Variants in HEPH observed in about 807,000 individuals in gnomAD.
HEPH encodes the protein hephaestin.
HEPH carries 69 observed loss-of-function variants against 80.8 expected under a neutral mutation model. The observed-to-expected ratio is 0.85, with a 90% confidence interval of 0.70 to 1.04. HEPH has a LOEUF of 1.04. Ranked by LOEUF, HEPH falls within the 50% of genes least tolerant of loss-of-function variation. The probability of loss-of-function intolerance (pLI) is 0.00; values close to 1 mark genes in which losing one functional copy is unlikely to be tolerated. For synonymous variants in HEPH, 431 were observed against 322.8 expected, an observed-to-expected ratio of 1.34 and a Z score of -3.60; for missense variants, 1,115 against 891.3, an observed-to-expected ratio of 1.25 and a Z score of -3.20.
rs766747766 is a variant in HEPH at position 66,168,419 on chromosome X, A to G, written c.-13-2139A>G. Among the ~76,000 whole-genome samples, 5 of 111,995 alleles carry G rather than the reference A, an allele frequency of 4.5e-5. No homozygotes were observed. In the East Asian group the frequency reaches 1.4e-3, roughly 31 times the overall value. The stretch of plus-strand genomic sequence containing the variant: ...TTATTTCTCCAGGGCTGATATTATT[A>G]TACCCATTTTACAGATGAGAAAACT... On this transcript the variant is annotated intron_variant, in intron 1 of 20. Transcript: ENST00000343002.
chrX:66,189,878 A>T lies in HEPH; in HGVS notation c.1003A>T (p.Met335Leu). The T allele has an allele frequency of 8.3e-7, 1 of 1,201,329 alleles. No homozygotes were observed. Among genetic ancestry groups the T allele is most frequent in the Non-Finnish European group, 1.1e-6 (1 of 889,780 alleles). ...IFPATFVTAEMVPWEPGTWLI... is the reference protein window; with the variant it reads ...IFPATFVTAELVPWEPGTWLI... Reference sequence around the variant, plus strand: ...TCCAGCCACCTTTGTGACTGCTGAGATGGTGCCCTGGGAACCTGGTACCTG... The same window carrying T: ...TCCAGCCACCTTTGTGACTGCTGAGTTGGTGCCCTGGGAACCTGGTACCTG... Residue 335 changes from methionine (M) to leucine (L), a missense_variant, in exon 6 of 21, where the codon ATG (methionine) becomes TTG (leucine). Met to Leu is a conservative substitution (Grantham distance 15). Around this residue, in one of 3 missense-constraint regions of HEPH, gnomAD observed 391 missense variants for 343.6 expected, o/e 1.14. Transcript: ENST00000343002.
At position 66,252,315 on chromosome X, in the gene HEPH, G is replaced by A. The variant is rs568115550; in HGVS notation, c.2564-2720G>A. Among the ~76,000 whole-genome samples, 9 of 111,914 alleles carry A rather than the reference G, an allele frequency of 8.0e-5. No individual in the cohort carries two copies. The South Asian group carries it at 3.4e-3, about 42-fold the overall frequency. On this transcript the variant is annotated intron_variant, in intron 15 of 20. Coordinates refer to ENST00000343002, the MANE Select transcript of HEPH (RefSeq NM_001367233.3). ...AAAATTAGACAAATGGAGGTGCCAA[G>A]AATGCAGTTGAATAAGTCTTGAACT...
intron 15 of HEPH, among the ~76,000 whole-genome samples, chrX:66,231,252 T>C (rs1280782442): frequency 1.8e-5 from 2 of 108,915 alleles, no homozygotes; most frequent in East Asian, 2.9e-4. Flanking sequence ...ATTGACTTGG[T>C]GATGCGGGCT....
intron 6 of HEPH, 146 bp from the exon 7 acceptor site, chrX:66,191,984 T>G: frequency 2.0e-6 from 1 of 495,908 alleles, no homozygotes; most frequent in Non-Finnish European, 3.2e-6. Flanking sequence ...ACTTTAAGAG[T>G]GAGAGAAAGC....
chrX:66,260,289 C>T (rs757491677), intron 19 of HEPH, 27 bp downstream of exon 19: 1 of 1,143,770 alleles, frequency 8.7e-7, no homozygotes, highest in Non-Finnish European at 1.2e-6. Flanking sequence ...CCAAAATGAT[C>T]ATCTTCTAAC....
intron 15 of HEPH, among the ~76,000 whole-genome samples, chrX:66,253,817 A>C (rs2091083001): frequency 8.9e-6 from 1 of 111,986 alleles, no homozygotes; most frequent in Non-Finnish European, 1.9e-5. Context: ...AAAACATATT[A>C]AATAAAAAAA....
At chrX:66,218,959 TC>T (rs1327186659) in intron 15 of HEPH, among the ~76,000 whole-genome samples, 1 of 112,085 alleles carries the variant, frequency 8.9e-6, no homozygotes, top group African/African-American at 3.2e-5. Flanking sequence ...ACTTCCTCTT[TC>T]TTTGGAGGCA....
chrX:66,254,124 T>C (rs758873955), intron 15 of HEPH, among the ~76,000 whole-genome samples: 38 of 111,747 alleles, frequency 3.4e-4, no homozygotes, highest in Non-Finnish European at 6.8e-4. Flanking sequence ...TTAGAAAAGA[T>C]TAATATAGCA....
chrX:66,250,918 C>T (rs1472463815), intron 15 of HEPH, among the ~76,000 whole-genome samples: 1 of 112,191 alleles, frequency 8.9e-6, no homozygotes, highest in Admixed American at 9.4e-5. Context: ...GAGTCTCGCT[C>T]TGTCACTTAG....
chrX:66,260,332 C>A, intron 19 of HEPH, 70 bp downstream of exon 19: 2 of 888,368 alleles, frequency 2.3e-6, no homozygotes, highest in Non-Finnish European at 3.2e-6. Context: ...CAGGTAATAC[C>A]AAAAAGCCTC....
intron 7 of HEPH, among the ~76,000 whole-genome samples, chrX:66,193,152 G>T (rs2087902474): frequency 9.0e-6 from 1 of 110,912 alleles, no homozygotes; most frequent in Non-Finnish European, 1.9e-5. Flanking sequence ...GACAGATGTA[G>T]ACTATGAATC....
chrX:66,214,876 A>C (rs903536134), intron 15 of HEPH, among the ~76,000 whole-genome samples: 18 of 111,161 alleles, frequency 1.6e-4, no homozygotes, highest in Non-Finnish European at 3.4e-4. Context: ...CAATAATATC[A>C]TATTATTTTT....
In HEPH at chrX:66,170,677, A is replaced by C. The variant is rs1397322947; in HGVS notation, c.107A>C (p.Gln36Pro). 1.4e-5 allele frequency: 17 copies of C among 1,209,106 alleles called. No individual in the cohort carries two copies. The highest frequency in any genetic ancestry group is 1.9e-5 in the Non-Finnish European group (17 of 894,671). Residue 36 changes from glutamine (Q) to proline (P), a missense_variant, in exon 2 of 21, where the codon CAG becomes CCG. By Grantham distance (76) the Gln-to-Pro change is moderately conservative. This residue lies in a region of HEPH where 391 missense variants were observed against 343.6 expected (regional missense o/e 1.14). Transcript: ENST00000343002. ...TACTACCTGGGCATCCGGGATGTGC[A>C]GTGGAACTATGCTCCCAAGGGAAGA... is the stretch of plus-strand genomic sequence containing the variant. ...RVYYLGIRDVQWNYAPKGRNV... is the reference protein window; with the variant it reads ...RVYYLGIRDVPWNYAPKGRNV...
At position 66,189,725 on chromosome X, in the gene HEPH, A is replaced by G. The variant is rs753538056; in HGVS notation, c.850A>G (p.Met284Val). 2.5e-6 allele frequency: 3 copies of G among 1,210,986 alleles called. No homozygotes were observed. The highest frequency in any genetic ancestry group is 3.4e-6 in the Non-Finnish European group (3 of 895,012). The change falls in exon 6 of 21, where the codon ATG becomes GTG. Residue 284 changes from methionine (M) to valine (V), a missense_variant. This residue lies in a region of HEPH where 391 missense variants were observed against 343.6 expected (regional missense o/e 1.14). Coordinates refer to ENST00000343002, the MANE Select transcript of HEPH (RefSeq NM_001367233.3). ...TTTTGGGAATTTACCTGAGCTGAACATGTGTGCACAGAAACGTGTGGCCTG... is the reference window on the plus strand; with the variant it reads ...TTTTGGGAATTTACCTGAGCTGAACGTGTGTGCACAGAAACGTGTGGCCTG... ...FVFGNLPELN[M>V]CAQKRVAWHL... is the part of the protein sequence containing the mutation.
intron 15 of HEPH, among the ~76,000 whole-genome samples, chrX:66,237,646 C>G (rs2090416123): frequency 8.9e-6 from 1 of 112,046 alleles, no homozygotes; most frequent in Admixed American, 9.5e-5. Flanking sequence ...CCATTTTATC[C>G]AGTGCTGAGT....
chrX:66,221,777 T>C (rs943781623), intron 15 of HEPH, among the ~76,000 whole-genome samples: 5 of 112,869 alleles, frequency 4.4e-5, no homozygotes, highest in Admixed American at 1.9e-4. Context: ...ATGTAGTTTA[T>C]CCAATTTACA....
At chrX:66,238,560 A>G (rs760877376) in intron 15 of HEPH, among the ~76,000 whole-genome samples, 2 of 111,657 alleles carry the variant, frequency 1.8e-5, no homozygotes, top group East Asian at 5.7e-4. Flanking sequence ...ACAAACAAAC[A>G]AACAAAAGAA....
At chrX:66,164,079 C>G (rs1311566187), upstream of HEPH, among the ~76,000 whole-genome samples, 1 of 111,640 alleles carries the variant, frequency 9.0e-6, no homozygotes, top group Non-Finnish European at 1.9e-5. Context: ...GCCACACTGA[C>G]AGTGTTCTCC....
chrX:66,267,656 G>A (rs1432543159), downstream of HEPH: 1 of 111,563 alleles, frequency 9.0e-6, no homozygotes, highest in East Asian at 2.8e-4. Context: ...TCTGAGACGA[G>A]ACTCAAACCT....
Sources: gnomAD v4.1 joint callset for allele counts (sites outside exome capture counted in the v4.1 genomes callset) on GRCh38, gnomAD v4.1.1 for gene constraint, gnomAD v4.1.1 regional missense constraint, MANE v1.5 for transcripts, NCBI Gene and HGNC (gene_info 2026-07-23, HGNC 2026-07-21) for gene names.